TSC22D3: variants seen among roughly 807,000 people sequenced by gnomAD.
TSC22D3 encodes TSC22 domain family protein 3.
In TSC22D3, 4 loss-of-function variants were observed where a neutral mutation model predicts 11.1. The ratio of observed to expected loss-of-function variants is 0.36; its 90% CI spans 0.18 to 0.83. The LOEUF (loss-of-function observed/expected upper bound fraction) is 0.83. Among genes scored for constraint, TSC22D3 ranks in the 40% least tolerant of loss-of-function variants. TSC22D3 has a pLI of 0.48. For missense variants in TSC22D3, 118 were observed against 159.4 expected, an observed-to-expected ratio of 0.74 and a Z score of 1.40; for synonymous variants, 77 against 70.3, an observed-to-expected ratio of 1.10 and a Z score of -0.48.
rs777854681 is a variant in TSC22D3 at position 107,775,283 on chromosome X, C to T, written c.137G>A (p.Ser46Asn). 4 of 1,212,271 alleles carry T rather than the reference C, an allele frequency of 3.3e-6. No individual in the cohort carries two copies. The highest frequency in any genetic ancestry group is 2.2e-5 in the Admixed American group (1 of 46,133). ...ENNNPGSPTV[S>N]NFRQLQEKLV... ...CTTTTCCTGCAGCTGCCGAAAGTTG[C>T]TCACTGTAGGGCTGCCCGGGTTGTT... The change falls in exon 1 of 3, where the codon AGC becomes AAC. Residue 46 changes from serine to asparagine, a missense_variant. Physicochemically the swap from Ser to Asn is conservative, Grantham distance 46. Transcript: ENST00000372383.
intron 1 of TSC22D3, among the ~76,000 whole-genome samples, chrX:107,720,717 A>G (rs1263739601): frequency 3.8e-5 from 4 of 106,242 alleles, no homozygotes; most frequent in Non-Finnish European, 7.8e-5. Flanking sequence ...AAAGAAAAGA[A>G]AAAAGATTTT....
At position 107,775,249 on chromosome X, in the gene TSC22D3, A is replaced by C; in HGVS notation, c.171T>G (p.Phe57Leu). 8.3e-7 allele frequency: 1 copy of C among 1,212,087 alleles called. No individual in the cohort carries two copies. Among genetic ancestry groups the C allele is most frequent in the Non-Finnish European group, 1.1e-6 (1 of 895,618 alleles). ...TGAGCTTGTCGGTATTGAGGTTCTC[A>C]AAGACCAGCTTTTCCTGCAGCTGCC... ...NFRQLQEKLV[F>L]ENLNTDKLNS... is the part of the protein sequence containing the mutation. The change falls in exon 1 of 3, where the codon TTT (phenylalanine) becomes TTG (leucine). Residue 57 changes from phenylalanine to leucine, a missense_variant. Phe to Leu is a conservative substitution (Grantham distance 22). Coordinates refer to ENST00000372383, the MANE Select transcript of TSC22D3 (RefSeq NM_198057.3).
chrX:107,717,120 T>A (rs1056084083), intron 1 of TSC22D3: 6 of 876,758 alleles, frequency 6.8e-6, no homozygotes, highest in Non-Finnish European at 8.4e-6. Flanking sequence ...TCACATGGCG[T>A]CAGGGGCCAT....
rs1156673673 is a variant in TSC22D3, at chrX:107,713,880, A to G, written c.*639T>C. 2 of 113,164 alleles carry G rather than the reference A, an allele frequency of 1.8e-5. No homozygotes were observed. The allele number at this position is 113,164 out of a possible 1,213,427, so 9.3% of individuals were successfully genotyped here. On this transcript the variant is annotated 3_prime_UTR_variant, in exon 3 of 3. Transcript: ENST00000372383. ...TCTAGCCCTATGGGTATATATACGC[A>G]TTTATGGCTATATAGAAAAACTATG...
At chrX:107,727,930 CAATCAGT>C (rs1306929077) in intron 1 of TSC22D3, among the ~76,000 whole-genome samples, 6 of 112,368 alleles carry the variant, frequency 5.3e-5, no homozygotes, top group Non-Finnish European at 9.4e-5. Flanking sequence ...ATAGTACAAA[CAATCAGT>C]AATCAGTAAG....
chrX:107,745,345 G>A (rs1266157134), intron 1 of TSC22D3, among the ~76,000 whole-genome samples: 1 of 112,102 alleles, frequency 8.9e-6, no homozygotes, highest in Non-Finnish European at 1.9e-5. Context: ...CTGGCCACTT[G>A]ACTACATCAG....
At chrX:107,743,728 C>A (rs1309574430) in intron 1 of TSC22D3, among the ~76,000 whole-genome samples, 1 of 112,265 alleles carries the variant, frequency 8.9e-6, no homozygotes. Flanking sequence ...TTTGCTCTTC[C>A]CTGCCCTCAT....
In TSC22D3 at chrX:107,714,119, C is replaced by T. The variant is rs770407980; in HGVS notation, c.*400G>A. On this transcript the variant is annotated 3_prime_UTR_variant, in exon 3 of 3. Transcript: ENST00000372383. ...CAAGTGGCTTCTTCATAGGAACAGTCGTTGTCAGGTGAAGCTGTTGAAGAT... is the reference window on the plus strand; with the variant it reads ...CAAGTGGCTTCTTCATAGGAACAGTTGTTGTCAGGTGAAGCTGTTGAAGAT... 37 of 132,871 alleles carry T rather than the reference C, an allele frequency of 2.8e-4. No homozygotes were observed. Among genetic ancestry groups the T allele is most frequent in the African/African-American group, 8.5e-4 (27 of 31,792 alleles). 11.0% of individuals were successfully genotyped at this position (132,871 alleles called of 1,213,427 possible).
Position 107,740,579 on chromosome X carries a change from TA to T in TSC22D3, c.321-24630del, listed in dbSNP as rs376624751. 1.7e-3 allele frequency among the ~76,000 whole-genome samples: 166 copies of T among 100,159 alleles called. 1 individual carries two copies. The highest frequency in any genetic ancestry group is 2.1e-3 in the Admixed American group (20 of 9,351). The allele number at this position is 100,159 out of a possible 115,157, so 87.0% of individuals were successfully genotyped here. A position where few individuals can be genotyped will look rare whatever the true frequency, so the allele number is the denominator to read the frequency against. ...CCTGGCGACAGAGCAAGACTCAGTC[TA>T]AAAAAAAAAAAGAGAGAGAGAAGAT... On this transcript the variant is annotated intron_variant, in intron 1 of 2. Coordinates refer to ENST00000372383, the MANE Select transcript of TSC22D3 (RefSeq NM_198057.3).
At chrX:107,725,322 C>T (rs781216938) in intron 1 of TSC22D3, among the ~76,000 whole-genome samples, 2 of 112,459 alleles carry the variant, frequency 1.8e-5, no homozygotes, top group African/African-American at 6.4e-5. Flanking sequence ...TGGTGGGCTG[C>T]AGTGGGCCTA....
intron 1 of TSC22D3, among the ~76,000 whole-genome samples, chrX:107,756,061 A>G (rs1929161569): frequency 8.9e-6 from 1 of 111,798 alleles, no homozygotes; most frequent in Non-Finnish European, 1.9e-5. Flanking sequence ...GGGGACTTCA[A>G]GCTAGGTATA....
intron 1 of TSC22D3, among the ~76,000 whole-genome samples, chrX:107,748,976 C>T (rs1928801436): frequency 9.0e-6 from 1 of 111,466 alleles, no homozygotes; most frequent in Non-Finnish European, 1.9e-5. Context: ...CAGTTATTTG[C>T]TTAGCATCCT....
intron 1 of TSC22D3, among the ~76,000 whole-genome samples, chrX:107,730,758 G>T (rs1407048547): frequency 8.9e-6 from 1 of 112,207 alleles, no homozygotes; most frequent in Non-Finnish European, 1.9e-5. Flanking sequence ...GTCTGTGCAG[G>T]GCTGGCCCCC....
intron 1 of TSC22D3, chrX:107,716,730 G>A: frequency 8.3e-7 from 1 of 1,207,947 alleles, no homozygotes; most frequent in Non-Finnish European, 1.1e-6. Flanking sequence ...CCTCCAAGCA[G>A]AGAAGAGAAG....
intron 1 of TSC22D3, among the ~76,000 whole-genome samples, chrX:107,740,192 G>A (rs1928331487): frequency 8.9e-6 from 1 of 111,740 alleles, no homozygotes; most frequent in Admixed American, 9.5e-5. Flanking sequence ...AGGTCTGGCT[G>A]GCTCCAAAGC....
intron 1 of TSC22D3, among the ~76,000 whole-genome samples, chrX:107,746,061 T>C (rs182352499): frequency 8.9e-6 from 1 of 112,383 alleles, no homozygotes. Flanking sequence ...CCCACAGGAT[T>C]CCCATTGATC....
At chrX:107,717,048 G>A (rs1482248936) in intron 1 of TSC22D3, 3 of 976,780 alleles carry the variant, frequency 3.1e-6, no homozygotes, top group Non-Finnish European at 3.8e-6. Flanking sequence ...ACGGCCGCCA[G>A]TCCAACCCAG....
chrX:107,733,997 A>G (rs920269939), intron 1 of TSC22D3, among the ~76,000 whole-genome samples: 4 of 111,993 alleles, frequency 3.6e-5, no homozygotes, highest in African/African-American at 1.3e-4. Flanking sequence ...GGACCTGCAC[A>G]TTAGAATGTG....
intron 1 of TSC22D3, among the ~76,000 whole-genome samples, chrX:107,759,932 T>A (rs1569453935): frequency 8.9e-6 from 1 of 111,934 alleles, no homozygotes; most frequent in Non-Finnish European, 1.9e-5. Flanking sequence ...GTCCTGAGTG[T>A]CTTCAGGAGC....
Sources: allele counts gnomAD v4.1 joint callset (sites outside exome capture counted in the v4.1 genomes callset), GRCh38; gene constraint gnomAD v4.1.1; transcripts MANE v1.5; gene names NCBI Gene and HGNC (gene_info 2026-07-23, HGNC 2026-07-21).